EFEMP1: variants seen among roughly 807,000 people sequenced by gnomAD.
The protein encoded by EFEMP1 is EGF-containing fibulin-like extracellular matrix protein 1.
Under a neutral mutation model 65.7 loss-of-function variants are expected in EFEMP1, and 18 were observed. The observed-to-expected ratio is 0.27, with a 90% CI of 0.19 to 0.41. The LOEUF is 0.41. Among genes scored for constraint, EFEMP1 ranks in the 10% least tolerant of loss-of-function variants. The pLI is 1.00. For synonymous variants in EFEMP1, 237 were observed against 219.7 expected (o/e 1.08, Z -0.70); for missense variants, 469 against 624.8 (o/e 0.75, Z 2.66).
At position 55,871,091 on chromosome 2, in the gene EFEMP1, G is replaced by A. The variant is rs121434491; in HGVS notation, c.1033C>T (p.Arg345Trp). Residue 345 changes from arginine (R) to tryptophan (W), a missense_variant, in exon 10 of 12, where the codon CGG (arginine) becomes TGG (tryptophan). This residue lies in a region of EFEMP1 where 399 missense variants were observed against 528.2 expected (regional missense o/e 0.76). Coordinates refer to ENST00000355426, the MANE Select transcript of EFEMP1 (RefSeq NM_001039348.3). This position sits in a 1 kb window ranked among gnomAD's most constrained non-coding sequence, Gnocchi z 4.2. ...INECETTNEC[R>W]EDEMCWNYHG... ...TAATTCCAACACATTTCATCCTCCC[G>A]GCATTCATTTGTGGTCTCACACTCA... 18 of 1,613,564 alleles carry A rather than the reference G, an allele frequency of 1.1e-5. No homozygotes were observed. Among genetic ancestry groups the A allele is most frequent in the Non-Finnish European group, 1.5e-5 (18 of 1,179,708 alleles).
In EFEMP1 at chr2:55,922,876, T is replaced by C; in HGVS notation, c.-8+23A>G. 1 of 1,142,020 alleles carries C rather than the reference T, an allele frequency of 8.8e-7. No homozygotes were observed. 70.7% of individuals were successfully genotyped at this position (1,142,020 alleles called of 1,614,324 possible). A position where few individuals can be genotyped will look rare whatever the true frequency, so the allele number is the denominator to read the frequency against. ...TGCAAAACTCTGTTCTCTAGAACGT[T>C]AAGGCTTTCCCAGTATACTCACCTT... On this transcript the variant is annotated intron_variant, in intron 2 of 11. Coordinates refer to ENST00000355426, the MANE Select transcript of EFEMP1 (RefSeq NM_001039348.3). This position sits in a 1 kb window ranked among gnomAD's most constrained non-coding sequence, Gnocchi z 5.5.
chr2:55,912,689 T>C (rs534500173), intron 5 of EFEMP1, among the ~76,000 whole-genome samples: 3 of 152,310 alleles, frequency 2.0e-5, no homozygotes, highest in African/African-American at 7.2e-5. Context: ...AGGAGGCAAA[T>C]ATGTATTTTT....
chr2:55,895,672 G>C (rs1669800757), intron 5 of EFEMP1, among the ~76,000 whole-genome samples: 1 of 151,804 alleles, frequency 6.6e-6, no homozygotes, highest in Admixed American at 6.6e-5. Context: ...CTCCGGAGTA[G>C]CTGGGACTAC....
At position 55,911,338 on chromosome 2, in the gene EFEMP1, A is replaced by G. The variant is rs150421569; in HGVS notation, c.517+6327T>C. Among the ~76,000 whole-genome samples the G allele has an allele frequency of 7.0e-4, 106 of 152,222 alleles. 1 individual carries two copies. The highest frequency in any genetic ancestry group is 2.4e-3 in the African/African-American group (99 of 41,520). ...TGATGTTTTCTTTTCACTGCTTCCC[A>G]TATCCCATGTGAAGTATTCTGACCC... On this transcript the variant is annotated intron_variant, in intron 5 of 11. Coordinates refer to ENST00000355426, the MANE Select transcript of EFEMP1 (RefSeq NM_001039348.3).
At chr2:55,897,868 A>T (rs143167444) in intron 5 of EFEMP1, among the ~76,000 whole-genome samples, 55 of 152,272 alleles carry the variant, frequency 3.6e-4, no homozygotes, top group African/African-American at 1.3e-3. Context: ...AATGGATGGT[A>T]GGGGGGTTGT....
intron 5 of EFEMP1, among the ~76,000 whole-genome samples, chr2:55,909,163 T>C (rs1037846789): frequency 6.6e-6 from 1 of 152,182 alleles, no homozygotes; most frequent in African/African-American, 2.4e-5. Flanking sequence ...TATATACACA[T>C]GGTACTTGGT....
chr2:55,906,397 T>G, intron 5 of EFEMP1, among the ~76,000 whole-genome samples: 1 of 152,124 alleles, frequency 6.6e-6, no homozygotes. Flanking sequence ...CTAATTTTTG[T>G]ATTTTTAGTA....
In EFEMP1 at chr2:55,881,741, G is replaced by C; in HGVS notation, c.518-7C>G. On this transcript the variant is annotated splice_polypyrimidine_tract_variant and splice_region_variant and intron_variant, in intron 5 of 11. Coordinates refer to ENST00000355426, the MANE Select transcript of EFEMP1 (RefSeq NM_001039348.3). ...GCAGTGCACTCGTCTATGTCTGTCA[G>C]AGACATGCAACACAGAAAGAATTGT... 6.2e-7 allele frequency: 1 copy of C among 1,613,880 alleles called. No homozygotes were observed. Among genetic ancestry groups the C allele is most frequent in the Non-Finnish European group, 8.5e-7 (1 of 1,179,834 alleles).
intron 6 of EFEMP1, among the ~76,000 whole-genome samples, chr2:55,878,606 A>G (rs978315694): frequency 6.6e-6 from 1 of 152,206 alleles, no homozygotes; most frequent in African/African-American, 2.4e-5. Flanking sequence ...GTAATTTAAA[A>G]CAACCATTAT....
At chr2:55,914,804 T>C (rs1670614479) in intron 5 of EFEMP1, among the ~76,000 whole-genome samples, 1 of 152,040 alleles carries the variant, frequency 6.6e-6, no homozygotes, top group Non-Finnish European at 1.5e-5. Flanking sequence ...GTGGAGATCT[T>C]TATTAAAACA....
intron 5 of EFEMP1, among the ~76,000 whole-genome samples, chr2:55,896,918 C>T (rs1669847772): frequency 6.6e-6 from 1 of 152,214 alleles, no homozygotes; most frequent in Non-Finnish European, 1.5e-5. Flanking sequence ...TGTCTATCTT[C>T]ATGTACTGCA....
At chr2:55,913,028 T>A (rs1670538653) in intron 5 of EFEMP1, among the ~76,000 whole-genome samples, 1 of 152,196 alleles carries the variant, frequency 6.6e-6, no homozygotes, top group South Asian at 2.1e-4. Flanking sequence ...AAAGAAAGAC[T>A]CTGTCCAACT....
chr2:55,882,537 CA>C (rs3838529), intron 5 of EFEMP1, among the ~76,000 whole-genome samples: 2,106 of 152,134 alleles, frequency 0.014, 35 homozygotes, highest in East Asian at 0.077. Context: ...TCTTTCAGAT[CA>C]AAAGGTGATA....
intron 5 of EFEMP1, among the ~76,000 whole-genome samples, chr2:55,916,090 C>CATGACA (rs958149502): frequency 4.7e-5 from 7 of 150,468 alleles, no homozygotes; most frequent in African/African-American, 7.3e-5. Flanking sequence ...AGAGTCAGAG[C>CATGACA]ATGACAAGTT....
intron 5 of EFEMP1, among the ~76,000 whole-genome samples, chr2:55,889,810 CAAT>C (rs1669563968): frequency 1.7e-5 from 2 of 120,714 alleles, no homozygotes; most frequent in Admixed American, 8.3e-5. Context: ...GTAGGAAAAA[CAAT>C]AAAGGAATGG....
At chr2:55,920,664 G>GTAC (rs1670881362) in intron 3 of EFEMP1, among the ~76,000 whole-genome samples, 1 of 152,220 alleles carries the variant, frequency 6.6e-6, no homozygotes, top group Admixed American at 6.5e-5. Context: ...TAATGTCAGT[G>GTAC]TACTATTAAG....
intron 5 of EFEMP1, among the ~76,000 whole-genome samples, chr2:55,887,810 A>T (rs748873375): frequency 7.2e-5 from 11 of 152,176 alleles, no homozygotes; most frequent in Non-Finnish European, 2.9e-5. Context: ...TGTTTTAGAG[A>T]GTGGCGAAAT....
chr2:55,891,994 T>A (rs777895154), intron 5 of EFEMP1, among the ~76,000 whole-genome samples: 4 of 149,522 alleles, frequency 2.7e-5, no homozygotes, highest in Non-Finnish European at 5.9e-5. Flanking sequence ...GGGATTTTCC[T>A]CCCTCTATGT....
Position 55,922,858 on chromosome 2 carries a change from C to T in EFEMP1, c.-8+41G>A. The T allele has an allele frequency of 8.6e-7, 1 of 1,160,474 alleles. No individual in the cohort carries two copies. The highest frequency in any genetic ancestry group is 1.1e-6 in the Non-Finnish European group (1 of 928,360). The allele number at this position is 1,160,474 out of a possible 1,614,324, so 71.9% of individuals were successfully genotyped here. On this transcript the variant is annotated intron_variant, in intron 2 of 11. Transcript: ENST00000355426. This position sits in a 1 kb window ranked among gnomAD's most constrained non-coding sequence, Gnocchi z 5.5. The stretch of plus-strand genomic sequence containing the variant: ...GGGGGATGGAGGTGGGGCTGCAAAA[C>T]TCTGTTCTCTAGAACGTTAAGGCTT...
Sources: allele counts gnomAD v4.1 joint callset (sites outside exome capture counted in the v4.1 genomes callset), GRCh38; gene constraint gnomAD v4.1.1; regional missense constraint gnomAD v4.1.1; non-coding constraint Gnocchi (gnomAD v3.1); transcripts MANE v1.5; gene names NCBI Gene and HGNC (gene_info 2026-07-23, HGNC 2026-07-21).